Variants in YEATS2 observed in about 807,000 individuals in gnomAD.
YEATS2 encodes the protein YEATS domain containing 2, also known as YEATS domain-containing protein 2.
Under a neutral mutation model 163.2 loss-of-function variants are expected in YEATS2, and 77 were observed. The ratio of observed to expected loss-of-function variants is 0.47; its 90% CI spans 0.39 to 0.57. YEATS2 has a LOEUF of 0.57. Among genes scored for constraint, YEATS2 ranks in the 20% least tolerant of loss-of-function variants. The pLI, the probability that YEATS2 is intolerant of heterozygous loss-of-function variation, is 0.00. For missense variants in YEATS2, 1,549 were observed against 1,729.8 expected (o/e 0.90, Z 1.85); for synonymous variants, 631 against 645.1 (o/e 0.98, Z 0.33).
At chr3:183,790,226 T>C (rs113865450) in intron 20 of YEATS2, among the ~76,000 whole-genome samples, 35 of 152,362 alleles carry the variant, frequency 2.3e-4, no homozygotes, top group African/African-American at 7.7e-4. Flanking sequence ...TTTCTATTCC[T>C]AGGCAGAAGC....
At chr3:183,768,366 A>G (rs1722121625) in intron 15 of YEATS2, among the ~76,000 whole-genome samples, 1 of 152,218 alleles carries the variant, frequency 6.6e-6, no homozygotes. Context: ...CAGAAAGCAA[A>G]TGGCCACGCC....
rs1253151605 is a variant in YEATS2 at position 183,717,335 on chromosome 3, A to C, written c.101-316A>C. ...TTTCTTTCTTGTCTTTAATATTTAA[A>C]TAGAATAGGCCAATAATTTTATAGA... On this transcript the variant is annotated intron_variant, in intron 2 of 30. Coordinates refer to ENST00000305135, the MANE Select transcript of YEATS2 (RefSeq NM_018023.5). Among the ~76,000 whole-genome samples the C allele has an allele frequency of 2.0e-5, 3 of 152,152 alleles. No individual in the cohort carries two copies. In the East Asian group the frequency reaches 5.8e-4, roughly 29 times the overall value.
intron 22 of YEATS2, 116 bp from the exon 23 acceptor site, chr3:183,798,775 C>T (rs1346994020): frequency 5.3e-6 from 4 of 757,772 alleles, no homozygotes; most frequent in South Asian, 1.5e-5. Flanking sequence ...TTCCTGTTGT[C>T]CTCAAGTTGC....
At chr3:183,734,800 T>A (rs1037217700) in intron 7 of YEATS2, among the ~76,000 whole-genome samples, 1 of 152,216 alleles carries the variant, frequency 6.6e-6, no homozygotes, top group Non-Finnish European at 1.5e-5. Flanking sequence ...CCATTCTGTG[T>A]TTCTAATAAA....
Position 183,697,842 on chromosome 3 carries a change from C to T in YEATS2, c.-171C>T, listed in dbSNP as rs990377731. On this transcript the variant is annotated 5_prime_UTR_variant, in exon 1 of 31. Coordinates refer to ENST00000305135, the MANE Select transcript of YEATS2 (RefSeq NM_018023.5). Reference sequence around the variant, plus strand: ...TGCGGGGCGGAACGCGCCGGGCGGGCTCCACCGCGCCGTGTGCTTCCGCAG... The same window carrying T: ...TGCGGGGCGGAACGCGCCGGGCGGGTTCCACCGCGCCGTGTGCTTCCGCAG... 1.1e-4 allele frequency: 16 copies of T among 150,684 alleles called. No homozygotes were observed. The highest frequency in any genetic ancestry group is 2.6e-4 in the Admixed American group (4 of 15,134). The allele number at this position is 150,684 out of a possible 1,614,324, so 9.3% of individuals were successfully genotyped here.
At chr3:183,719,428 G>T (rs756451534) in intron 4 of YEATS2, among the ~76,000 whole-genome samples, 31 of 152,124 alleles carry the variant, frequency 2.0e-4, no homozygotes, top group Non-Finnish European at 3.8e-4. Context: ...TGAGCCACCG[G>T]GCCCAGCCTT....
At position 183,775,956 on chromosome 3, in the gene YEATS2, G is replaced by GGAA. The variant is rs1560301005; in HGVS notation, c.2412_2413insAGA (p.Gly804_Gly805insArg). ...AGCTGCCAGTGGTGGGAGTGGTGCC[G>GGAA]GAGGAGGAGGAGGAGGAGGAGGAGG... On this transcript the variant is annotated inframe_insertion, in exon 18 of 31. Coordinates refer to ENST00000305135, the MANE Select transcript of YEATS2 (RefSeq NM_018023.5). The GGAA allele has an allele frequency of 2.4e-6, 1 of 412,728 alleles. No individual in the cohort carries two copies. The highest frequency in any genetic ancestry group is 4.3e-5 in the African/African-American group (1 of 23,254). The allele number at this position is 412,728 out of a possible 1,614,324, so 25.6% of individuals were successfully genotyped here.
At chr3:183,744,605 T>C (rs1719334386) in intron 8 of YEATS2, among the ~76,000 whole-genome samples, 1 of 152,220 alleles carries the variant, frequency 6.6e-6, no homozygotes, top group Non-Finnish European at 1.5e-5. Flanking sequence ...ATAAAATGTT[T>C]CCTACCAGTT....
intron 22 of YEATS2, among the ~76,000 whole-genome samples, chr3:183,798,281 C>T (rs1725348106): frequency 6.6e-6 from 1 of 151,956 alleles, no homozygotes; most frequent in Admixed American, 6.6e-5. Flanking sequence ...TAAACAGCTG[C>T]CCTTATCTAA....
intron 2 of YEATS2, 102 bp from the exon 3 acceptor site, chr3:183,717,549 T>G (rs1716026025): frequency 1.2e-6 from 1 of 861,956 alleles, no homozygotes; most frequent in African/African-American, 1.8e-5. Context: ...TTTCTCCACT[T>G]TAGAGTTACT....
intron 1 of YEATS2, among the ~76,000 whole-genome samples, chr3:183,699,135 A>G (rs1713802957): frequency 1.3e-5 from 2 of 152,248 alleles, no homozygotes; most frequent in Admixed American, 1.3e-4. Context: ...ATGGGGAAGT[A>G]TAAACAGATT....
At chr3:183,784,636 A>T (rs770670439) in intron 19 of YEATS2, among the ~76,000 whole-genome samples, 1 of 151,808 alleles carries the variant, frequency 6.6e-6, no homozygotes, top group East Asian at 1.9e-4. Flanking sequence ...TTTTGTTGCA[A>T]TTGTTGTTGA....
At chr3:183,738,494 T>C (rs1718598623) in intron 8 of YEATS2, among the ~76,000 whole-genome samples, 3 of 142,248 alleles carry the variant, frequency 2.1e-5, no homozygotes, top group Admixed American at 7.2e-5. Flanking sequence ...ACTGGTGCGC[T>C]GCACCCACTA....
intron 9 of YEATS2, among the ~76,000 whole-genome samples, chr3:183,750,553 G>C (rs966957641): frequency 6.6e-6 from 1 of 152,214 alleles, no homozygotes; most frequent in South Asian, 2.1e-4. Context: ...CAGTGCACAC[G>C]TATTCCAGTT....
chr3:183,702,791 G>T (rs186320701), intron 1 of YEATS2, among the ~76,000 whole-genome samples: 7 of 150,888 alleles, frequency 4.6e-5, no homozygotes, highest in Non-Finnish European at 8.8e-5. Flanking sequence ...CCAAGATTGC[G>T]CCACTGCACT....
chr3:183,728,631 ATTTAG>A, intron 6 of YEATS2, 54 bp from the exon 7 acceptor site: 1 of 1,439,178 alleles, frequency 6.9e-7, no homozygotes, highest in Non-Finnish European at 9.2e-7. Flanking sequence ...GGACTTAATT[ATTTAG>A]TTAGGTTTTT....
rs1445543105 is a variant in YEATS2 at position 183,752,407 on chromosome 3, T to C, written c.1150+154T>C. 2.0e-5 allele frequency among the ~76,000 whole-genome samples: 3 copies of C among 152,264 alleles called. No individual in the cohort carries two copies. The East Asian group carries it at 5.8e-4, about 29-fold the overall frequency. ...TCTGTTATGAAAGCCAAATTTCCAC[T>C]CTTGTCAAAAATATTTTTCCGGCCG... On this transcript the variant is annotated intron_variant, in intron 10 of 30. Transcript: ENST00000305135.
chr3:183,733,577 C>G (rs1718031416), intron 7 of YEATS2, among the ~76,000 whole-genome samples: 1 of 152,202 alleles, frequency 6.6e-6, no homozygotes, highest in South Asian at 2.1e-4. Context: ...CTTTGCAGGA[C>G]TCTTAAGATG....
intron 7 of YEATS2, among the ~76,000 whole-genome samples, chr3:183,734,399 G>C (rs1441968369): frequency 6.6e-6 from 1 of 152,172 alleles, no homozygotes; most frequent in East Asian, 1.9e-4. Flanking sequence ...TCTCAGAGGG[G>C]CTATTTCATA....
Sources: allele counts gnomAD v4.1 joint callset (sites outside exome capture counted in the v4.1 genomes callset), GRCh38; gene constraint gnomAD v4.1.1; transcripts MANE v1.5; gene names NCBI Gene and HGNC (gene_info 2026-07-23, HGNC 2026-07-21).